The following KDM5A variants were observed in gnomAD, a reference collection of about 807,000 sequenced individuals.
KDM5A encodes lysine demethylase 5A.
In KDM5A, 42 loss-of-function variants were observed where a neutral mutation model predicts 193.5. The ratio of observed to expected loss-of-function variants is 0.22; its 90% CI spans 0.17 to 0.28. The LOEUF (loss-of-function observed/expected upper bound fraction) is 0.28, where lower values mean the gene tolerates loss of function less well. Among genes scored for constraint, KDM5A ranks in the 10% least tolerant of loss-of-function variants. The probability of loss-of-function intolerance (pLI) is 1.00; values close to 1 mark genes in which losing one functional copy is unlikely to be tolerated. For missense variants in KDM5A, 1,692 were observed against 2,055.1 expected, an observed-to-expected ratio of 0.82 and a Z score of 3.42; for synonymous variants, 796 against 718.1, an observed-to-expected ratio of 1.11 and a Z score of -1.73.
chr12:349,365 C>CTG (rs1357994412), intron 10 of KDM5A, among the ~76,000 whole-genome samples: 1 of 131,120 alleles, frequency 7.6e-6, no homozygotes, highest in East Asian at 2.4e-4. Context: ...GAGTCTCGCT[C>CTG]TGTCACCCAG....
intron 18 of KDM5A, among the ~76,000 whole-genome samples, chr12:320,090 GGCTTAA>G (rs1394646945): frequency 6.6e-6 from 1 of 152,132 alleles, no homozygotes; most frequent in African/African-American, 2.4e-5. Context: ...GTGTCACAGG[GGCTTAA>G]AGAACAGCAT....
Position 389,310 on chromosome 12 carries a change from A to C in KDM5A, c.-219T>G. The C allele has an allele frequency of 2.9e-6, 2 of 680,346 alleles. No homozygotes were observed. Among genetic ancestry groups the C allele is most frequent in the Non-Finnish European group, 5.4e-6 (2 of 373,028 alleles). The allele number at this position is 680,346 out of a possible 1,614,324, so 42.1% of individuals were successfully genotyped here. Reference sequence around the variant, plus strand: ...GAGGTTCAGGACTTTTCCGGAAGTTACCGTGCTGTCAAATCCCTCCGCCCC... The same window carrying C: ...GAGGTTCAGGACTTTTCCGGAAGTTCCCGTGCTGTCAAATCCCTCCGCCCC... On this transcript the variant is annotated 5_prime_UTR_variant, in exon 1 of 28. Coordinates refer to ENST00000399788, the MANE Select transcript of KDM5A (RefSeq NM_001042603.3).
chr12:318,377 T>G lies in KDM5A; in HGVS notation c.2626A>C (p.Met876Leu), dbSNP rs1297585532. ...DETPDSSKLQMLIDMGSSLYV... is the reference protein window; with the variant it reads ...DETPDSSKLQLLIDMGSSLYV... The stretch of plus-strand genomic sequence containing the variant: ...AGACTAGAGCCCATATCTATCAACA[T>G]CTGGAGTTTGGAAGAATCTGGGGTT... The change falls in exon 19 of 28, where the codon ATG becomes CTG. Residue 876 changes from methionine to leucine, a missense_variant. Physicochemically the swap from Met to Leu is conservative, Grantham distance 15. This residue lies in a region of KDM5A where 965 missense variants were observed against 1,061.0 expected (regional missense o/e 0.91). Coordinates refer to ENST00000399788, the MANE Select transcript of KDM5A (RefSeq NM_001042603.3). 3 of 1,614,050 alleles carry G rather than the reference T, an allele frequency of 1.9e-6. No homozygotes were observed. The Admixed American group carries it at 5.0e-5, about 27-fold the overall frequency.
intron 17 of KDM5A, chr12:322,171 G>A: frequency 3.9e-6 from 2 of 517,888 alleles, no homozygotes; most frequent in South Asian, 4.6e-5. Flanking sequence ...AGTAAAGAGA[G>A]CATGAAGTCC....
chr12:370,500 A>G (rs1227884053), intron 3 of KDM5A, among the ~76,000 whole-genome samples: 1 of 152,262 alleles, frequency 6.6e-6, no homozygotes, highest in African/African-American at 2.4e-5. Context: ...ACCATGCTCT[A>G]TAAAAAGATA....
rs181606459 is a variant in KDM5A, at chr12:330,021, T to C, written c.1774-992A>G. Among the ~76,000 whole-genome samples the C allele has an allele frequency of 4.3e-4, 65 of 151,044 alleles. No homozygotes were observed. In the East Asian group the frequency reaches 6.5e-3, roughly 15 times the overall value. On this transcript the variant is annotated intron_variant, in intron 13 of 27. Coordinates refer to ENST00000399788, the MANE Select transcript of KDM5A (RefSeq NM_001042603.3). Reference sequence around the variant, plus strand: ...ATCTCTGAATTATGCAGTGTTTCCATACTCTTCAAAGAAAAAACTTTCCAA... The same window carrying C: ...ATCTCTGAATTATGCAGTGTTTCCACACTCTTCAAAGAAAAAACTTTCCAA...
chr12:321,067 C>T lies in KDM5A; in HGVS notation c.2469G>A (p.Val823=). 1 of 1,614,116 alleles carries T rather than the reference C, an allele frequency of 6.2e-7. No individual in the cohort carries two copies. The highest frequency in any genetic ancestry group is 8.5e-7 in the Non-Finnish European group (1 of 1,179,960). Residue 823 remains valine (V), a synonymous_variant, in exon 18 of 28, where the codon GTG becomes GTA. Transcript: ENST00000399788. ...DSGRTRTKLT[V]EELKAFVQQL... is the part of the protein sequence containing the mutation. ...GTTGGACAAAGGCCTTCAATTCTTC[C>T]ACTGTCAGTTTGGTCCGAGTCCTCC...
intron 26 of KDM5A, 54 bp downstream of exon 26, chr12:295,519 G>A (rs1405080944): frequency 1.3e-6 from 2 of 1,513,236 alleles, no homozygotes; most frequent in Non-Finnish European, 1.8e-6. Context: ...TACCTCTAAG[G>A]AACCTAGGCA....
At chr12:367,173 G>C (rs1944366928) in intron 3 of KDM5A, among the ~76,000 whole-genome samples, 1 of 152,152 alleles carries the variant, frequency 6.6e-6, no homozygotes, top group African/African-American at 2.4e-5. Flanking sequence ...CAATTTCACT[G>C]AGAATAAAGG....
At chr12:335,808 G>A (rs191176535) in intron 10 of KDM5A, among the ~76,000 whole-genome samples, 1 of 151,620 alleles carries the variant, frequency 6.6e-6, no homozygotes, top group East Asian at 2.0e-4. Context: ...TTGGGAGGGT[G>A]AGGTGGGTAG....
At chr12:305,733 C>T (rs16929318) in intron 24 of KDM5A, among the ~76,000 whole-genome samples, 4,388 of 152,248 alleles carry the variant, frequency 0.029, 79 homozygotes, top group Middle Eastern at 0.044. Flanking sequence ...AAAGGGCTAA[C>T]GAAAAGCCAA....
chr12:311,300 T>C (rs1369352026), intron 20 of KDM5A: 5 of 520,186 alleles, frequency 9.6e-6, no homozygotes, highest in Non-Finnish European at 1.7e-5. Flanking sequence ...AGAGTACCAG[T>C]AGATATAACA....
At chr12:291,306 T>C (rs886461704) in intron 27 of KDM5A, among the ~76,000 whole-genome samples, 5 of 152,188 alleles carry the variant, frequency 3.3e-5, no homozygotes, top group African/African-American at 1.2e-4. Flanking sequence ...AAAAAATGAA[T>C]AGAATACCCC....
intron 6 of KDM5A, among the ~76,000 whole-genome samples, chr12:355,520 T>C (rs372712942): frequency 3.9e-5 from 6 of 152,350 alleles, no homozygotes; most frequent in African/African-American, 1.2e-4. Flanking sequence ...TGTATGTGTA[T>C]GCAGTACGTA....
At chr12:311,272 GATTTT>G (rs1297538916) in intron 20 of KDM5A, 4 of 580,772 alleles carry the variant, frequency 6.9e-6, no homozygotes, top group Non-Finnish European at 1.2e-5. Flanking sequence ...TGTCATCAAT[GATTTT>G]ATTTATTAAT....
intron 27 of KDM5A, among the ~76,000 whole-genome samples, chr12:292,315 G>A (rs1253197762): frequency 6.6e-6 from 1 of 152,174 alleles, no homozygotes; most frequent in African/African-American, 2.4e-5. Flanking sequence ...TGGACTAAAA[G>A]TTTCAAGTCT....
At chr12:372,207 G>A (rs573813138) in intron 3 of KDM5A, among the ~76,000 whole-genome samples, 2 of 152,144 alleles carry the variant, frequency 1.3e-5, no homozygotes, top group Non-Finnish European at 2.9e-5. Context: ...CCATTTTCAC[G>A]ATAATGATTC....
At chr12:317,599 A>C (rs1943664758) in intron 19 of KDM5A, among the ~76,000 whole-genome samples, 1 of 152,252 alleles carries the variant, frequency 6.6e-6, no homozygotes, top group Admixed American at 6.5e-5. Flanking sequence ...ATGTAGCCCC[A>C]TTTGATAACT....
At chr12:342,610 C>T (rs1944020389) in intron 10 of KDM5A, among the ~76,000 whole-genome samples, 1 of 151,946 alleles carries the variant, frequency 6.6e-6, no homozygotes, top group South Asian at 2.1e-4. Flanking sequence ...CAGGCAAGCG[C>T]CACCACGCCC....
Sources: gnomAD v4.1 joint callset for allele counts (sites outside exome capture counted in the v4.1 genomes callset) on GRCh38, gnomAD v4.1.1 for gene constraint, gnomAD v4.1.1 regional missense constraint, MANE v1.5 for transcripts, NCBI Gene and HGNC (gene_info 2026-07-23, HGNC 2026-07-21) for gene names.